The following RBFOX1 variants were observed in gnomAD, a reference collection of about 807,000 sequenced individuals.
RBFOX1 encodes the protein RNA binding fox-1 homolog 1, also known as RNA binding protein fox-1 homolog 1.
In RBFOX1, 8 loss-of-function variants were observed where a neutral mutation model predicts 57.7. The observed-to-expected ratio is 0.14, with a 90% confidence interval of 0.08 to 0.25. The LOEUF is 0.25. Among genes scored for constraint, RBFOX1 ranks in the 10% least tolerant of loss-of-function variants. The pLI, the probability that RBFOX1 is intolerant of heterozygous loss-of-function variation, is 1.00. For synonymous variants in RBFOX1, 326 were observed against 222.4 expected, an observed-to-expected ratio of 1.47 and a Z score of -4.15; for missense variants, 611 against 548.5, an observed-to-expected ratio of 1.11 and a Z score of -1.14.
chr16:6,244,383 A>G (rs2152931674), intron 1 of RBFOX1, among the ~76,000 whole-genome samples: 1 of 152,288 alleles, frequency 6.6e-6, no homozygotes, highest in Non-Finnish European at 1.5e-5. Flanking sequence ...GGGAGATCAG[A>G]GAGTCCACCC....
chr16:6,753,094 T>A (rs571512106), intron 3 of RBFOX1, among the ~76,000 whole-genome samples: 4 of 152,086 alleles, frequency 2.6e-5, no homozygotes, highest in African/African-American at 9.7e-5. Context: ...AATACAAATA[T>A]TGAACTTGAG....
intron 2 of RBFOX1, among the ~76,000 whole-genome samples, chr16:5,575,878 A>G (rs546265530): frequency 6.6e-6 from 1 of 151,646 alleles, no homozygotes; most frequent in Non-Finnish European, 1.5e-5. Flanking sequence ...AAAAGCTGGC[A>G]TGATATGAAG....
At chr16:5,429,360 C>G (rs1488997424) in intron 1 of RBFOX1, among the ~76,000 whole-genome samples, 1 of 152,182 alleles carries the variant, frequency 6.6e-6, no homozygotes, top group East Asian at 1.9e-4. Context: ...CCCATAAACT[C>G]TCCCAGCCGT....
intron 2 of RBFOX1, among the ~76,000 whole-genome samples, chr16:6,347,598 G>A (rs1228725370): frequency 6.6e-6 from 1 of 152,206 alleles, no homozygotes; most frequent in African/African-American, 2.4e-5. Context: ...GCTGGGTGAA[G>A]GACGCAAGAG....
intron 1 of RBFOX1, among the ~76,000 whole-genome samples, chr16:5,311,143 C>G (rs1824316863): frequency 6.6e-6 from 1 of 152,186 alleles, no homozygotes; most frequent in Admixed American, 6.5e-5. Context: ...CCTCTAGCTC[C>G]ATCCAAGTTG....
chr16:7,217,964 C>G (rs543475708), intron 4 of RBFOX1, among the ~76,000 whole-genome samples: 3 of 149,560 alleles, frequency 2.0e-5, no homozygotes, highest in East Asian at 4.0e-4. Flanking sequence ...ACATGTGTAC[C>G]TGTGTCTGCG....
intron 3 of RBFOX1, among the ~76,000 whole-genome samples, chr16:6,916,918 C>T (rs543608525): frequency 6.6e-6 from 1 of 152,102 alleles, no homozygotes; most frequent in South Asian, 2.1e-4. Flanking sequence ...GACATAATCT[C>T]GGCTCACTGC....
chr16:6,704,077 C>G (rs572368051), intron 3 of RBFOX1: 2 of 152,378 alleles, frequency 1.3e-5, no homozygotes, highest in Non-Finnish European at 2.9e-5. Flanking sequence ...TTGAGGGAGT[C>G]TATACTGCCA....
At chr16:6,880,329 T>C (rs780878380) in intron 3 of RBFOX1, among the ~76,000 whole-genome samples, 4 of 152,152 alleles carry the variant, frequency 2.6e-5, no homozygotes, top group Non-Finnish European at 5.9e-5. Context: ...ACAGCCTCTG[T>C]TGTTCCTGAC....
chr16:5,856,763 C>T (rs140279627), intron 3 of RBFOX1, among the ~76,000 whole-genome samples: 82 of 151,284 alleles, frequency 5.4e-4, no homozygotes, highest in African/African-American at 1.7e-3. Context: ...CATTCTCAGC[C>T]TTCATAGAAT....
chr16:7,153,676 G>A (rs1329425468), intron 4 of RBFOX1, among the ~76,000 whole-genome samples: 1 of 147,164 alleles, frequency 6.8e-6, no homozygotes, highest in African/African-American at 2.5e-5. Flanking sequence ...CTGGAACCCT[G>A]AAGTCGGAGG....
intron 3 of RBFOX1, chr16:5,615,989 T>C (rs1245936307): frequency 1.3e-5 from 2 of 152,286 alleles, no homozygotes; most frequent in Non-Finnish European, 2.9e-5. Context: ...GGAAGCATGG[T>C]TTGAACCTGA....
At chr16:5,809,198 T>A (rs2055335317) in intron 3 of RBFOX1, among the ~76,000 whole-genome samples, 1 of 152,140 alleles carries the variant, frequency 6.6e-6, no homozygotes. Context: ...ACTTAAACAT[T>A]AGACCTAAAA....
chr16:6,145,225 C>G (rs564760863), intron 1 of RBFOX1, among the ~76,000 whole-genome samples: 2 of 152,088 alleles, frequency 1.3e-5, no homozygotes, highest in African/African-American at 2.4e-5. Flanking sequence ...TGTGTTGTTC[C>G]CCTCTATGTG....
At chr16:6,337,334 C>G (rs2083906606) in intron 2 of RBFOX1, among the ~76,000 whole-genome samples, 1 of 152,148 alleles carries the variant, frequency 6.6e-6, no homozygotes, top group Non-Finnish European at 1.5e-5. Context: ...GGGATGGCTT[C>G]TTAGCAGCGA....
At chr16:5,690,923 G>C (rs2050657774) in intron 3 of RBFOX1, among the ~76,000 whole-genome samples, 1 of 152,250 alleles carries the variant, frequency 6.6e-6, no homozygotes, top group African/African-American at 2.4e-5. Context: ...TTCCCAGTAG[G>C]TGACAGTTTC....
At chr16:6,177,562 A>C (rs961958902) in intron 1 of RBFOX1, among the ~76,000 whole-genome samples, 3 of 152,136 alleles carry the variant, frequency 2.0e-5, no homozygotes, top group African/African-American at 7.2e-5. Flanking sequence ...CAGAAAGTGG[A>C]TTTCTATCCT....
intron 4 of RBFOX1, chr16:7,332,755 C>A: frequency 1.5e-6 from 2 of 1,373,206 alleles, no homozygotes; most frequent in Non-Finnish European, 1.9e-6. Flanking sequence ...ATAGCACCTT[C>A]CATTTTGGTA....
At chr16:7,221,329 C>T (rs1054661746) in intron 4 of RBFOX1, among the ~76,000 whole-genome samples, 1 of 125,674 alleles carries the variant, frequency 8.0e-6, no homozygotes, top group African/African-American at 2.6e-5. Flanking sequence ...CTTGTTTATT[C>T]TTTATTTTTA....
Sources: allele counts gnomAD v4.1 joint callset (sites outside exome capture counted in the v4.1 genomes callset), GRCh38; gene constraint gnomAD v4.1.1; transcripts MANE v1.5; gene names NCBI Gene and HGNC (gene_info 2026-07-23, HGNC 2026-07-21).